Variants in SUGCT observed in about 807,000 individuals in gnomAD.
SUGCT encodes succinyl-CoA:glutarate CoA-transferase.
A neutral mutation model predicts 55.0 loss-of-function variants in SUGCT; 41 were observed. The observed-to-expected ratio is 0.74, with a 90% CI of 0.58 to 0.97. SUGCT has a LOEUF of 0.97. Ranked by LOEUF, SUGCT falls within the 50% of genes least tolerant of loss-of-function variation. The probability of loss-of-function intolerance (pLI) is 0.00; values close to 1 mark genes in which losing one functional copy is unlikely to be tolerated. For missense variants in SUGCT, 568 were observed against 547.8 expected (o/e 1.04, Z -0.37); for synonymous variants, 187 against 200.4 (o/e 0.93, Z 0.56).
At chr7:40,665,181 G>A (rs1326606963) in intron 12 of SUGCT, among the ~76,000 whole-genome samples, 2 of 151,916 alleles carry the variant, frequency 1.3e-5, no homozygotes, top group Non-Finnish European at 2.9e-5. Context: ...GCTCAGGCCT[G>A]TAATCCCAGC....
At position 40,265,883 on chromosome 7, in the gene SUGCT, G is replaced by A. The variant is rs143102941; in HGVS notation, c.577-8630G>A. The stretch of plus-strand genomic sequence containing the variant: ...GGAGAATCGCTTGAACCTAGGAGGC[G>A]GAGGCTACAGTGAGCTGAGATCACG... On this transcript the variant is annotated intron_variant, in intron 7 of 13. Coordinates refer to ENST00000335693, the MANE Select transcript of SUGCT (RefSeq NM_001193313.2). 2.9e-3 allele frequency among the ~76,000 whole-genome samples: 448 copies of A among 152,116 alleles called. 5 individuals carry two copies. Among genetic ancestry groups the A allele is most frequent in the East Asian group, 0.022 (116 of 5,160 alleles).
intron 11 of SUGCT, among the ~76,000 whole-genome samples, chr7:40,472,116 A>G (rs1790433149): frequency 6.6e-6 from 1 of 152,150 alleles, no homozygotes. Context: ...GCAATTGTTC[A>G]ATAGGCATAT....
chr7:40,185,599 T>C (rs1271175549), intron 3 of SUGCT, among the ~76,000 whole-genome samples: 3 of 152,222 alleles, frequency 2.0e-5, no homozygotes, highest in African/African-American at 7.2e-5. Context: ...CTCGGCTCAC[T>C]GCAACCTCTA....
At chr7:40,917,867 C>T in the SUGCT span, among the ~76,000 whole-genome samples, 16 of 152,262 alleles carry the variant, frequency 1.1e-4, no homozygotes, top group African/African-American at 3.9e-4. Context: ...CTCATGACCT[C>T]ATCTAATCCT....
At chr7:40,909,836 C>T in the SUGCT span, among the ~76,000 whole-genome samples, 4 of 152,086 alleles carry the variant, frequency 2.6e-5, no homozygotes, top group African/African-American at 7.2e-5. Context: ...TACGAAATTC[C>T]TTACTGAGTG....
Position 40,265,818 on chromosome 7 carries a change from G to A in SUGCT, c.577-8695G>A, listed in dbSNP as rs536551412. ...GTACAAAAATTAGCAGGGCATGATGGCATGTGCCTGTAATCCCAGATACTT... is the reference window on the plus strand; with the variant it reads ...GTACAAAAATTAGCAGGGCATGATGACATGTGCCTGTAATCCCAGATACTT... On this transcript the variant is annotated intron_variant, in intron 7 of 13. Coordinates refer to ENST00000335693, the MANE Select transcript of SUGCT (RefSeq NM_001193313.2). Among the ~76,000 whole-genome samples, 6 of 152,266 alleles carry A rather than the reference G, an allele frequency of 3.9e-5. No homozygotes were observed. The South Asian group carries it at 1.0e-3, about 26-fold the overall frequency.
the SUGCT span, among the ~76,000 whole-genome samples, chr7:40,916,219 A>G: frequency 6.6e-6 from 1 of 152,180 alleles, no homozygotes; most frequent in Non-Finnish European, 1.5e-5. Context: ...TTTCAGTACC[A>G]GACCTAATAT....
intron 6 of SUGCT, among the ~76,000 whole-genome samples, chr7:40,208,398 C>T (rs1471211001): frequency 6.6e-6 from 1 of 152,014 alleles, no homozygotes; most frequent in African/African-American, 2.4e-5. Context: ...AAAGAATAGT[C>T]TAAACTATAA....
At chr7:40,186,263 C>G in intron 3 of SUGCT, among the ~76,000 whole-genome samples, 1 of 125,830 alleles carries the variant, frequency 7.9e-6, no homozygotes, top group East Asian at 2.8e-4. Flanking sequence ...CTCTTCTCTT[C>G]TTTTTCTTTT....
chr7:40,231,942 A>G (rs1308548992), intron 6 of SUGCT, among the ~76,000 whole-genome samples: 2 of 152,118 alleles, frequency 1.3e-5, no homozygotes, highest in Non-Finnish European at 2.9e-5. Flanking sequence ...TCTACAAACA[A>G]TTTTAAAAAT....
chr7:40,879,849 G>C, the SUGCT span, among the ~76,000 whole-genome samples: 3 of 152,150 alleles, frequency 2.0e-5, no homozygotes, highest in African/African-American at 4.8e-5. Flanking sequence ...ACGTTCTTGT[G>C]GCAGACATAA....
At chr7:40,353,989 A>T (rs1797766273) in intron 9 of SUGCT, among the ~76,000 whole-genome samples, 1 of 152,196 alleles carries the variant, frequency 6.6e-6, no homozygotes, top group Non-Finnish European at 1.5e-5. Context: ...CAGACAAGAG[A>T]CCGGGAAGTA....
At chr7:40,173,806 C>A (rs570932973) in intron 1 of SUGCT, among the ~76,000 whole-genome samples, 1 of 150,062 alleles carries the variant, frequency 6.7e-6, no homozygotes, top group Non-Finnish European at 1.5e-5. Context: ...TTTAATTGTA[C>A]AATTTATTGT....
chr7:40,934,141 G>A, the SUGCT span, among the ~76,000 whole-genome samples: 1 of 152,148 alleles, frequency 6.6e-6, no homozygotes, highest in South Asian at 2.1e-4. Context: ...CCTTTTTGTT[G>A]ATGTTGATGC....
chr7:40,889,867 A>G, the SUGCT span, among the ~76,000 whole-genome samples: 1 of 152,134 alleles, frequency 6.6e-6, no homozygotes, highest in Non-Finnish European at 1.5e-5. Flanking sequence ...ACTATATAAA[A>G]TAGTCCCACA....
the SUGCT span, among the ~76,000 whole-genome samples, chr7:40,871,315 A>G: frequency 1.3e-5 from 2 of 152,194 alleles, no homozygotes; most frequent in Non-Finnish European, 2.9e-5. Context: ...CTAGCATGCT[A>G]CATGTCTGAA....
Position 40,779,101 on chromosome 7 carries a change from G to A in SUGCT, c.1153+29604G>A, listed in dbSNP as rs538728842. The stretch of plus-strand genomic sequence containing the variant: ...ACTGGGTGGTGCTGGTTCTGTCTCC[G>A]TTGATGTCTTTGCCCCAGAAAAATT... On this transcript the variant is annotated intron_variant, in intron 13 of 13. Transcript: ENST00000335693. Among the ~76,000 whole-genome samples, 7 of 147,488 alleles carry A rather than the reference G, an allele frequency of 4.7e-5. No homozygotes were observed. The East Asian group carries it at 1.3e-3, about 28-fold the overall frequency.
At chr7:40,290,940 T>G (rs1215230024) in intron 8 of SUGCT, among the ~76,000 whole-genome samples, 1 of 152,022 alleles carries the variant, frequency 6.6e-6, no homozygotes, top group Non-Finnish European at 1.5e-5. Context: ...GAAATGCAAA[T>G]CAAAACCACA....
At chr7:40,693,070 TC>T (rs2128653150) in intron 12 of SUGCT, among the ~76,000 whole-genome samples, 1 of 152,298 alleles carries the variant, frequency 6.6e-6, no homozygotes, top group Admixed American at 6.5e-5. Context: ...AGGAGCTACT[TC>T]TTAAACTAAG....
Sources: gnomAD v4.1 joint callset for allele counts (sites outside exome capture counted in the v4.1 genomes callset) on GRCh38, gnomAD v4.1.1 for gene constraint, MANE v1.5 for transcripts, NCBI Gene and HGNC (gene_info 2026-07-23, HGNC 2026-07-21) for gene names.